CMTM4: variants seen among roughly 807,000 people sequenced by gnomAD.
CMTM4 encodes CKLF-like MARVEL transmembrane domain-containing protein 4.
In CMTM4, 8 loss-of-function variants were observed where a neutral mutation model predicts 19.0. The ratio of observed to expected loss-of-function variants is 0.42; its 90% CI spans 0.25 to 0.76. CMTM4 has a LOEUF of 0.76. Among genes scored for constraint, CMTM4 ranks in the 30% least tolerant of loss-of-function variants. CMTM4 has a pLI of 0.27. For synonymous variants in CMTM4, 106 were observed against 121.1 expected (o/e 0.88, Z 0.82); for missense variants, 228 against 290.2 (o/e 0.79, Z 1.56).
At chr16:66,611,039 T>C (rs1219504059), downstream of CMTM4, 5 of 397,170 alleles carry the variant, frequency 1.3e-5, no homozygotes, top group Non-Finnish European at 2.2e-5. Context: ...AGGGACCAAT[T>C]AGTAAACGTC....
chr16:66,628,239 T>A (rs976602116), intron 2 of CMTM4, among the ~76,000 whole-genome samples: 1 of 152,212 alleles, frequency 6.6e-6, no homozygotes, highest in African/African-American at 2.4e-5. Flanking sequence ...CAGGAGACAG[T>A]GGCCTTTCTC....
At chr16:66,648,142 C>T (rs753958518) in intron 1 of CMTM4, among the ~76,000 whole-genome samples, 7 of 152,244 alleles carry the variant, frequency 4.6e-5, no homozygotes, top group Non-Finnish European at 1.0e-4. Context: ...GCATCACTTT[C>T]AGGTGGAAGA....
At chr16:66,631,350 G>C (rs1342354513) in intron 2 of CMTM4, among the ~76,000 whole-genome samples, 2 of 150,366 alleles carry the variant, frequency 1.3e-5, no homozygotes, top group Non-Finnish European at 3.0e-5. Flanking sequence ...CGTCCGGGAG[G>C]TGAGGGGCGC....
At chr16:66,604,760 G>T in the CMTM4 span, 2 of 1,215,192 alleles carry the variant, frequency 1.6e-6, no homozygotes, top group Non-Finnish European at 2.0e-6. Flanking sequence ...CCGGGCGCGA[G>T]AAGAGGGGAG....
At chr16:66,626,928 T>C (rs115448634) in intron 2 of CMTM4, among the ~76,000 whole-genome samples, 5,405 of 151,840 alleles carry the variant, frequency 0.036, 190 homozygotes, top group East Asian at 0.16. Flanking sequence ...AGCAAAACCC[T>C]GTCTCTACAA....
chr16:66,604,875 G>A, the CMTM4 span: 2 of 1,423,148 alleles, frequency 1.4e-6, no homozygotes, highest in Non-Finnish European at 1.8e-6. Flanking sequence ...CGGCCCCGCG[G>A]TCCCCGGGCT....
chr16:66,623,168 A>T (rs776834368), intron 3 of CMTM4, among the ~76,000 whole-genome samples: 4 of 152,218 alleles, frequency 2.6e-5, no homozygotes, highest in Non-Finnish European at 5.9e-5. Context: ...TACATTTCTG[A>T]CTCAGTAGCT....
At chr16:66,636,204 C>T (rs1363254987) in intron 2 of CMTM4, among the ~76,000 whole-genome samples, 1 of 152,178 alleles carries the variant, frequency 6.6e-6, no homozygotes, top group African/African-American at 2.4e-5. Flanking sequence ...TATGATGTTT[C>T]TCCCATTAGT....
intron 1 of CMTM4, among the ~76,000 whole-genome samples, chr16:66,676,563 G>A (rs1193038578): frequency 2.0e-5 from 3 of 152,172 alleles, no homozygotes; most frequent in Non-Finnish European, 2.9e-5. Flanking sequence ...AACAAGGGAG[G>A]CGCACAATAA....
intron 1 of CMTM4, among the ~76,000 whole-genome samples, chr16:66,672,764 C>T (rs906690964): frequency 1.3e-5 from 2 of 150,490 alleles, no homozygotes; most frequent in African/African-American, 2.4e-5. Context: ...CACGTGCCAC[C>T]ACACCCAGCT....
Position 66,620,401 on chromosome 16 carries a change from A to G in CMTM4, c.*1657T>C, listed in dbSNP as rs910272007. 3.0e-6 allele frequency: 3 copies of G among 985,290 alleles called. No individual in the cohort carries two copies. The highest frequency in any genetic ancestry group is 9.4e-5 in the South Asian group (2 of 21,280). The allele number at this position is 985,290 out of a possible 1,614,324, so 61.0% of individuals were successfully genotyped here. A position where few individuals can be genotyped will look rare whatever the true frequency, so the allele number is the denominator to read the frequency against. On this transcript the variant is annotated 3_prime_UTR_variant, in exon 4 of 4. Coordinates refer to ENST00000394106, the MANE Select transcript of CMTM4 (RefSeq NM_181521.3). ...AGGCAGACGTGGTGCTCAGCCACATAGCCTGGGACACTGCTCCCAACTCAG... is the reference window on the plus strand; with the variant it reads ...AGGCAGACGTGGTGCTCAGCCACATGGCCTGGGACACTGCTCCCAACTCAG...
chr16:66,695,950 T>C (rs1206541291), intron 1 of CMTM4, among the ~76,000 whole-genome samples: 1 of 152,122 alleles, frequency 6.6e-6, no homozygotes, highest in Non-Finnish European at 1.5e-5. Context: ...ACAGGCACCG[T>C]CCGGAGGTTG....
At chr16:66,693,365 C>A (rs963955163) in intron 1 of CMTM4, among the ~76,000 whole-genome samples, 15 of 152,134 alleles carry the variant, frequency 9.9e-5, no homozygotes, top group Non-Finnish European at 1.6e-4. Context: ...TCAAGCAGTC[C>A]CCCCACCTCA....
At chr16:66,692,614 A>G (rs1174839500) in intron 1 of CMTM4, among the ~76,000 whole-genome samples, 2 of 152,212 alleles carry the variant, frequency 1.3e-5, no homozygotes, top group Non-Finnish European at 2.9e-5. Context: ...AACACCACCA[A>G]AAAGTCTACA....
At chr16:66,693,221 A>T (rs78614449) in intron 1 of CMTM4, among the ~76,000 whole-genome samples, 1 of 150,780 alleles carries the variant, frequency 6.6e-6, no homozygotes, top group African/African-American at 2.4e-5. Context: ...CAAAAGTCTA[A>T]CACAAAGAAA....
chr16:66,623,417 T>A lies in CMTM4; in HGVS notation c.449A>T (p.Glu150Val), dbSNP rs1315290698. 6.2e-7 allele frequency: 1 copy of A among 1,613,718 alleles called. No individual in the cohort carries two copies. Residue 150 changes from glutamate (E) to valine (V), a missense_variant, in exon 3 of 4, where the codon GAA becomes GTA. By Grantham distance (121) the Glu-to-Val change is moderately radical. This residue lies in a region of CMTM4 where 200 missense variants were observed against 226.6 expected (regional missense o/e 0.88). Transcript: ENST00000394106. ...LAALNHRAGA[E>V]IAAVIFGFLA... The stretch of plus-strand genomic sequence containing the variant: ...GAGTTTGCTTACCACGGCAGCAATT[T>A]CTGCTCCGGCTCTATGGTTTAAAGC...
At chr16:66,600,146 G>GT in the CMTM4 span, among the ~76,000 whole-genome samples, 1,310 of 125,672 alleles carry the variant, frequency 0.01, 9 homozygotes, top group East Asian at 0.022. Flanking sequence ...GTTTTTTTTT[G>GT]TTTTTTTTTT....
chr16:66,651,175 T>C (rs910556098), intron 1 of CMTM4, among the ~76,000 whole-genome samples: 1 of 152,140 alleles, frequency 6.6e-6, no homozygotes, highest in Admixed American at 6.6e-5. Flanking sequence ...AGCTCCTCTC[T>C]TAGCAACCAA....
chr16:66,660,628 CAT>C (rs753768915), intron 1 of CMTM4, among the ~76,000 whole-genome samples: 1 of 152,160 alleles, frequency 6.6e-6, no homozygotes, highest in African/African-American at 2.4e-5. Context: ...GATACTAGGA[CAT>C]GTGTTTTTTT....
Sources: allele counts gnomAD v4.1 joint callset (sites outside exome capture counted in the v4.1 genomes callset), GRCh38; gene constraint gnomAD v4.1.1; regional missense constraint gnomAD v4.1.1; transcripts MANE v1.5; gene names NCBI Gene and HGNC (gene_info 2026-07-23, HGNC 2026-07-21).